SH3RF2: variants seen among roughly 807,000 people sequenced by gnomAD.
The protein encoded by SH3RF2 is SH3 domain containing ring finger 2, also known as E3 ubiquitin-protein ligase SH3RF2.
Under a neutral mutation model 59.0 loss-of-function variants are expected in SH3RF2, and 43 were observed. The observed-to-expected ratio is 0.73, with a 90% CI of 0.57 to 0.94. SH3RF2 has a LOEUF of 0.94. SH3RF2 is among the 40% of genes least tolerant of loss of function. The probability of loss-of-function intolerance (pLI) is 0.00; values close to 1 mark genes in which losing one functional copy is unlikely to be tolerated. For synonymous variants in SH3RF2, 391 were observed against 391.5 expected, an observed-to-expected ratio of 1.00 and a Z score of 0.01; for missense variants, 930 against 940.1, an observed-to-expected ratio of 0.99 and a Z score of 0.14.
rs577560602 is a variant in SH3RF2, at chr5:146,057,246, T to A, written c.1555+1033T>A. Among the ~76,000 whole-genome samples the A allele has an allele frequency of 3.8e-3, 581 of 152,332 alleles. 1 individual carries two copies. Among genetic ancestry groups the A allele is most frequent in the African/African-American group, 0.013 (560 of 41,568 alleles). On this transcript the variant is annotated intron_variant, in intron 8 of 9. Transcript: ENST00000359120. ...GAAAGCACATATCTTAGCTTCGCTG[T>A]CCAGTGCCTTCATCTGACAGCCTGT...
chr5:145,994,817 G>A (rs2149979585), intron 2 of SH3RF2, among the ~76,000 whole-genome samples: 1 of 152,266 alleles, frequency 6.6e-6, no homozygotes, highest in Middle Eastern at 3.4e-3. Context: ...AGATTGTTGT[G>A]AGAATTAGAG....
chr5:146,057,974 ATCTATCTATC>A (rs766025229), intron 8 of SH3RF2, among the ~76,000 whole-genome samples: 10 of 76,904 alleles, frequency 1.3e-4, no homozygotes, highest in Admixed American at 1.6e-4. Context: ...CTCTCTATCT[ATCTATCTATC>A]TATATATATA....
At chr5:146,012,419 A>G (rs1760941586) in intron 4 of SH3RF2, among the ~76,000 whole-genome samples, 2 of 152,166 alleles carry the variant, frequency 1.3e-5, no homozygotes, top group Non-Finnish European at 2.9e-5. Context: ...TATTGATTGG[A>G]ATAGTTTCAC....
rs575903686 is a variant in SH3RF2 at position 145,968,456 on chromosome 5, A to T, written c.378+30150A>T. On this transcript the variant is annotated intron_variant, in intron 2 of 9. Transcript: ENST00000359120. ...AGCAAGTGGCAGAACCTATCTACAT[A>T]TTTTTGTTAACAATTATGTCTATAT... is the stretch of plus-strand genomic sequence containing the variant. Among the ~76,000 whole-genome samples the T allele has an allele frequency of 6.6e-5, 10 of 152,278 alleles. 1 individual carries two copies. Among genetic ancestry groups the T allele is most frequent in the African/African-American group, 2.2e-4 (9 of 41,556 alleles).
intron 3 of SH3RF2, among the ~76,000 whole-genome samples, chr5:146,003,384 G>C (rs996370270): frequency 6.6e-6 from 1 of 152,096 alleles, no homozygotes; most frequent in Non-Finnish European, 1.5e-5. Flanking sequence ...CTCAAGATTT[G>C]TGCACTTTAT....
At chr5:145,961,174 CTT>C (rs869156939) in intron 2 of SH3RF2, among the ~76,000 whole-genome samples, 25 of 90,980 alleles carry the variant, frequency 2.7e-4, no homozygotes, top group Non-Finnish European at 4.4e-4. Flanking sequence ...CTGCATCCTC[CTT>C]TTTTTTTTTT....
chr5:146,004,823 G>A (rs1760574124), intron 4 of SH3RF2, among the ~76,000 whole-genome samples: 1 of 151,996 alleles, frequency 6.6e-6, no homozygotes, highest in Non-Finnish European at 1.5e-5. Flanking sequence ...CAGATTTGCT[G>A]GATAAAAGAG....
At chr5:146,034,971 T>C (rs914514165) in intron 5 of SH3RF2, among the ~76,000 whole-genome samples, 4 of 152,058 alleles carry the variant, frequency 2.6e-5, no homozygotes, top group Non-Finnish European at 2.9e-5. Flanking sequence ...CCAGGCGTGG[T>C]AGTGCACCCC....
chr5:146,078,047 T>C (rs1763369378), intron 9 of SH3RF2, among the ~76,000 whole-genome samples: 1 of 152,092 alleles, frequency 6.6e-6, no homozygotes, highest in South Asian at 2.1e-4. Flanking sequence ...TCCCTTATGG[T>C]CAAGTGCCAA....
intron 9 of SH3RF2, among the ~76,000 whole-genome samples, chr5:146,071,547 G>A (rs1763241974): frequency 1.3e-5 from 2 of 152,192 alleles, no homozygotes; most frequent in African/African-American, 2.4e-5. Context: ...AAGTTTTGGA[G>A]CTTAGGACTT....
intron 2 of SH3RF2, among the ~76,000 whole-genome samples, chr5:145,962,146 G>A (rs557697683): frequency 6.6e-6 from 1 of 152,264 alleles, no homozygotes; most frequent in Non-Finnish European, 1.5e-5. Flanking sequence ...AGCAATTGCT[G>A]TACCAAAGGT....
At chr5:146,011,178 T>G (rs1232979182) in intron 4 of SH3RF2, among the ~76,000 whole-genome samples, 1 of 152,186 alleles carries the variant, frequency 6.6e-6, no homozygotes, top group Non-Finnish European at 1.5e-5. Flanking sequence ...TTGTCAAAGA[T>G]CAGATGGTTG....
intron 2 of SH3RF2, among the ~76,000 whole-genome samples, chr5:145,961,354 C>G (rs35813819): frequency 0.096 from 14,572 of 152,056 alleles, 1,039 homozygotes; most frequent in East Asian, 0.27. Flanking sequence ...CATTCTTTAA[C>G]ATTTCTCTTC....
At chr5:145,997,522 C>T in intron 2 of SH3RF2, 1 of 1,605,360 alleles carries the variant, frequency 6.2e-7, no homozygotes, top group East Asian at 2.2e-5. Context: ...CTGAAGAATC[C>T]TCCTCGAGAT....
chr5:145,937,884 T>C lies in SH3RF2; in HGVS notation c.-45T>C, dbSNP rs755107487. ...CCCCGTGGCTCAACTGACCCTACCA[T>C]GTGGACGCTGCTCCTCCAGGTGGGA... is the stretch of plus-strand genomic sequence containing the variant. On this transcript the variant is annotated 5_prime_UTR_variant, in exon 2 of 10. An upstream start codon of the reference 5' UTR is lost. Coordinates refer to ENST00000359120, the MANE Select transcript of SH3RF2 (RefSeq NM_152550.4). The C allele has an allele frequency of 5.7e-6, 9 of 1,575,340 alleles. No individual in the cohort carries two copies. The highest frequency in any genetic ancestry group is 7.7e-6 in the Non-Finnish European group (9 of 1,161,304).
At chr5:145,937,504 G>A (rs192886640) in intron 1 of SH3RF2, among the ~76,000 whole-genome samples, 1 of 152,132 alleles carries the variant, frequency 6.6e-6, no homozygotes, top group African/African-American at 2.4e-5. Flanking sequence ...CCCCGGGCAG[G>A]GGGTAAAGGA....
intron 2 of SH3RF2, among the ~76,000 whole-genome samples, chr5:145,944,607 TCAAA>T (rs1160344019): frequency 2.0e-5 from 3 of 152,186 alleles, no homozygotes; most frequent in Non-Finnish European, 4.4e-5. Flanking sequence ...AGTGCCAGGG[TCAAA>T]CAAACCTGAG....
rs561007121 is a variant in SH3RF2, at chr5:145,951,176, C to T, written c.378+12870C>T. 5.3e-5 allele frequency among the ~76,000 whole-genome samples: 8 copies of T among 152,192 alleles called. No individual in the cohort carries two copies. In the South Asian group the frequency reaches 1.5e-3, roughly 28 times the overall value. ...AAGAGCCTGTGCTAAATCCTTTACCCGCAAAAGCTTATTTAATCCACAGAG... is the reference window on the plus strand; with the variant it reads ...AAGAGCCTGTGCTAAATCCTTTACCTGCAAAAGCTTATTTAATCCACAGAG... On this transcript the variant is annotated intron_variant, in intron 2 of 9. Transcript: ENST00000359120.
Position 146,011,001 on chromosome 5 carries a change from T to A in SH3RF2, c.745-2746T>A, listed in dbSNP as rs544171353. Among the ~76,000 whole-genome samples the A allele has an allele frequency of 2.6e-5, 4 of 152,318 alleles. No homozygotes were observed. The South Asian group carries it at 8.3e-4, about 32-fold the overall frequency. ...TTGCCTAGGTTTTCTTCTAGGGTTT[T>A]TATGGTTTTAGGTCTAACATTTAAG... On this transcript the variant is annotated intron_variant, in intron 4 of 9. Transcript: ENST00000359120.
Sources: allele counts gnomAD v4.1 joint callset (sites outside exome capture counted in the v4.1 genomes callset), GRCh38; gene constraint gnomAD v4.1.1; transcripts MANE v1.5; gene names NCBI Gene and HGNC (gene_info 2026-07-23, HGNC 2026-07-21).